ARID2: variants seen among roughly 807,000 people sequenced by gnomAD.
ARID2 encodes AT-rich interactive domain-containing protein 2.
In ARID2, 32 loss-of-function variants were observed where a neutral mutation model predicts 184.6. The ratio of observed to expected loss-of-function variants is 0.17; its 90% CI spans 0.13 to 0.23. The LOEUF (loss-of-function observed/expected upper bound fraction) is 0.23, where lower values mean the gene tolerates loss of function less well. ARID2 is among the 10% of genes least tolerant of loss of function. The probability of loss-of-function intolerance (pLI) is 1.00; values close to 1 mark genes in which losing one functional copy is unlikely to be tolerated. For missense variants in ARID2, 1,696 were observed against 2,197.6 expected, an observed-to-expected ratio of 0.77 and a Z score of 4.56; for synonymous variants, 836 against 772.6, an observed-to-expected ratio of 1.08 and a Z score of -1.36.
At position 45,803,872 on chromosome 12, in the gene ARID2, A is replaced by G. The variant is rs1050110582; in HGVS notation, c.285-7546A>G. 2.0e-5 allele frequency among the ~76,000 whole-genome samples: 3 copies of G among 152,338 alleles called. No individual in the cohort carries two copies. The South Asian group carries it at 6.2e-4, about 32-fold the overall frequency. On this transcript the variant is annotated intron_variant, in intron 3 of 20. Coordinates refer to ENST00000334344, the MANE Select transcript of ARID2 (RefSeq NM_152641.4). Reference sequence around the variant, plus strand: ...AAGTTGACTTAACCTAGACACACGCAGACATTAGTAAATAGAAAATAACGA... The same window carrying G: ...AAGTTGACTTAACCTAGACACACGCGGACATTAGTAAATAGAAAATAACGA...
chr12:45,856,062 C>CTTT (rs1943641717), intron 15 of ARID2, among the ~76,000 whole-genome samples: 1 of 108,632 alleles, frequency 9.2e-6, no homozygotes, highest in Non-Finnish European at 2.0e-5. Flanking sequence ...TTTCTTTCTT[C>CTTT]TTTTCTTTTT....
chr12:45,894,201 TAG>T (rs1345651636), intron 20 of ARID2, among the ~76,000 whole-genome samples: 1 of 152,220 alleles, frequency 6.6e-6, no homozygotes, highest in Non-Finnish European at 1.5e-5. Flanking sequence ...CAGGATTTTG[TAG>T]ATCTACAGAA....
At position 45,825,779 on chromosome 12, in the gene ARID2, G is replaced by C. The variant is rs1042409557; in HGVS notation, c.705+4292G>C. Among the ~76,000 whole-genome samples, 8 of 151,946 alleles carry C rather than the reference G, an allele frequency of 5.3e-5. 1 individual carries two copies. The highest frequency in any genetic ancestry group is 2.0e-4 in the Admixed American group (3 of 15,216). ...CTTGGGAGGCTGAGGCAGAAGGATTGCTTGAGCTCTGGAGTTAGACACTGT... is the reference window on the plus strand; with the variant it reads ...CTTGGGAGGCTGAGGCAGAAGGATTCCTTGAGCTCTGGAGTTAGACACTGT... On this transcript the variant is annotated intron_variant, in intron 6 of 20. Coordinates refer to ENST00000334344, the MANE Select transcript of ARID2 (RefSeq NM_152641.4).
intron 20 of ARID2, among the ~76,000 whole-genome samples, chr12:45,894,932 C>T (rs1021775561): frequency 7.2e-5 from 11 of 152,256 alleles, no homozygotes; most frequent in Admixed American, 2.0e-4. Context: ...ACACTTGGTA[C>T]CTTTGTTCCA....
chr12:45,881,029 T>G (rs375191043), intron 16 of ARID2: 2 of 184,724 alleles, frequency 1.1e-5, no homozygotes, highest in African/African-American at 4.7e-5. Flanking sequence ...TAGGTTGAAC[T>G]TCCAGCTCAT....
intron 16 of ARID2, 106 bp downstream of exon 16, chr12:45,861,055 C>T: frequency 9.1e-7 from 1 of 1,094,744 alleles, no homozygotes; most frequent in Non-Finnish European, 1.2e-6. Flanking sequence ...CCTTTAGAAC[C>T]ACTAACTTTA....
chr12:45,809,652 A>G (rs1278452524), intron 3 of ARID2, among the ~76,000 whole-genome samples: 1 of 152,208 alleles, frequency 6.6e-6, no homozygotes, highest in Non-Finnish European at 1.5e-5. Flanking sequence ...AGTATGTTTT[A>G]TCTACAACCA....
intron 3 of ARID2, among the ~76,000 whole-genome samples, chr12:45,793,034 C>G: frequency 6.6e-6 from 1 of 152,132 alleles, no homozygotes; most frequent in East Asian, 1.9e-4. Context: ...TGCAGTGGCT[C>G]ACGCCTGTAA....
chr12:45,813,786 C>CA (rs565919827), intron 4 of ARID2, among the ~76,000 whole-genome samples: 3 of 150,228 alleles, frequency 2.0e-5, no homozygotes, highest in African/African-American at 2.4e-5. Flanking sequence ...CTTTAAGTGG[C>CA]AAAAAAAAAT....
intron 6 of ARID2, among the ~76,000 whole-genome samples, chr12:45,821,876 G>T (rs1942903566): frequency 1.3e-5 from 2 of 152,130 alleles, no homozygotes; most frequent in Admixed American, 1.3e-4. Context: ...AGGTGTAAAA[G>T]ATTAGTAAGT....
At position 45,852,000 on chromosome 12, in the gene ARID2, C is replaced by G; in HGVS notation, c.3877C>G (p.Leu1293Val). Residue 1293 changes from leucine to valine, a missense_variant, in exon 15 of 21, where the codon CTT becomes GTT. Around this residue, in one of 11 missense-constraint regions of ARID2, gnomAD observed 428 missense variants for 409.1 expected, o/e 1.05. Transcript: ENST00000334344. Reference protein sequence around the residue: ...TKENEMHVGSLLNGRKYSDSS... With the variant: ...TKENEMHVGSVLNGRKYSDSS... ...GGAAAATGAAATGCATGTGGGAAGTCTTTTAAATGGGAGAAAGTACAGTGA... is the reference window on the plus strand; with the variant it reads ...GGAAAATGAAATGCATGTGGGAAGTGTTTTAAATGGGAGAAAGTACAGTGA... 6.2e-6 allele frequency: 10 copies of G among 1,614,094 alleles called. No homozygotes were observed. The highest frequency in any genetic ancestry group is 8.5e-6 in the Non-Finnish European group (10 of 1,179,990).
intron 4 of ARID2, among the ~76,000 whole-genome samples, chr12:45,813,204 T>G (rs1942743131): frequency 6.6e-6 from 1 of 152,072 alleles, no homozygotes; most frequent in African/African-American, 2.4e-5. Context: ...TGGAGATTCA[T>G]GAAGAGGAAG....
intron 20 of ARID2, among the ~76,000 whole-genome samples, chr12:45,898,033 A>G (rs148339546): frequency 6.6e-6 from 1 of 152,146 alleles, no homozygotes; most frequent in African/African-American, 2.4e-5. Flanking sequence ...TCTGGGCTCA[A>G]GCAATCCACC....
intron 12 of ARID2, among the ~76,000 whole-genome samples, chr12:45,847,919 A>G (rs1943474056): frequency 6.6e-6 from 1 of 151,992 alleles, no homozygotes; most frequent in Admixed American, 6.6e-5. Context: ...CTACATTGCA[A>G]CCAAAATGAA....
chr12:45,839,337 G>A lies in ARID2; in HGVS notation c.1339G>A (p.Val447Met), dbSNP rs369626187. 2 of 1,607,858 alleles carry A rather than the reference G, an allele frequency of 1.2e-6. No homozygotes were observed. The highest frequency in any genetic ancestry group is 1.3e-5 in the African/African-American group (1 of 74,572). The change falls in exon 11 of 21, where the codon GTG becomes ATG. Residue 447 changes from valine to methionine, a missense_variant. This residue lies in a region of ARID2 where 86 missense variants were observed against 200.8 expected (regional missense o/e 0.43). Coordinates refer to ENST00000334344, the MANE Select transcript of ARID2 (RefSeq NM_152641.4). ...CTTTTTATTTATTTTAGACATGTTAGTGTGTCTGGTTTCTATGGATATTCA... is the reference window on the plus strand; with the variant it reads ...CTTTTTATTTATTTTAGACATGTTAATGTGTCTGGTTTCTATGGATATTCA... ...AKVEKSIDML[V>M]CLVSMDIQMF...
chr12:45,906,596 T>C lies in ARID2; in HGVS notation c.*1518T>C. On this transcript the variant is annotated 3_prime_UTR_variant, in exon 21 of 21. Coordinates refer to ENST00000334344, the MANE Select transcript of ARID2 (RefSeq NM_152641.4). Reference sequence around the variant, plus strand: ...AGACATCTTAAAAATATAGAGAGAATTCTAAATTCAGCTGAAGGCAAGGTA... The same window carrying C: ...AGACATCTTAAAAATATAGAGAGAACTCTAAATTCAGCTGAAGGCAAGGTA... 1 of 232,700 alleles carries C rather than the reference T, an allele frequency of 4.3e-6. No individual in the cohort carries two copies. The highest frequency in any genetic ancestry group is 6.1e-5 in the East Asian group (1 of 16,366). The allele number at this position is 232,700 out of a possible 1,614,324, so 14.4% of individuals were successfully genotyped here.
Position 45,847,343 on chromosome 12 carries a change from GTCTCT to G in ARID2, c.1580+414_1580+418del, listed in dbSNP as rs529115354. 4.6e-5 allele frequency among the ~76,000 whole-genome samples: 7 copies of G among 152,122 alleles called. No homozygotes were observed. In the South Asian group the frequency reaches 1.5e-3, roughly 32 times the overall value. ...AAAATAAAAGCAGGTGTTTTAAAAT[GTCTCT>G]TCTCTTCCATCTAAAACAAAACTTC... On this transcript the variant is annotated intron_variant, in intron 12 of 20. Transcript: ENST00000334344.
intron 3 of ARID2, chr12:45,789,472 G>T (rs1942254233): frequency 6.6e-6 from 1 of 152,104 alleles, no homozygotes; most frequent in Non-Finnish European, 1.5e-5. Flanking sequence ...TTTCATTATG[G>T]TCTAGTTTTA....
chr12:45,801,171 G>A (rs557692383), intron 3 of ARID2, among the ~76,000 whole-genome samples: 1 of 152,114 alleles, frequency 6.6e-6, no homozygotes, highest in Non-Finnish European at 1.5e-5. Context: ...AATTAGCCAC[G>A]CGCGGTGGTA....
Sources: gnomAD v4.1 joint callset for allele counts (sites outside exome capture counted in the v4.1 genomes callset) on GRCh38, gnomAD v4.1.1 for gene constraint, gnomAD v4.1.1 regional missense constraint, MANE v1.5 for transcripts, NCBI Gene and HGNC (gene_info 2026-07-23, HGNC 2026-07-21) for gene names.